SEMA6D: variants seen among roughly 807,000 people sequenced by gnomAD.
SEMA6D encodes semaphorin-6D.
Under a neutral mutation model 106.6 loss-of-function variants are expected in SEMA6D, and 35 were observed. The ratio of observed to expected loss-of-function variants is 0.33; its 90% confidence interval spans 0.25 to 0.44. SEMA6D has a LOEUF of 0.44. Among genes scored for constraint, SEMA6D ranks in the 20% least tolerant of loss-of-function variants. The pLI, the probability that SEMA6D is intolerant of heterozygous loss-of-function variation, is 1.00. For missense variants in SEMA6D, 1,185 were observed against 1,345.9 expected (o/e 0.88, Z 1.87); for synonymous variants, 499 against 487.7 (o/e 1.02, Z -0.31).
At chr15:47,526,938 T>C (rs1199561686) in intron 3 of SEMA6D, among the ~76,000 whole-genome samples, 1 of 152,090 alleles carries the variant, frequency 6.6e-6, no homozygotes, top group Non-Finnish European at 1.5e-5. Flanking sequence ...GGGGTTTCAC[T>C]ATGTTGGTCA....
chr15:47,659,583 A>G (rs1273753030), intron 4 of SEMA6D, among the ~76,000 whole-genome samples: 2 of 152,018 alleles, frequency 1.3e-5, no homozygotes, highest in Non-Finnish European at 2.9e-5. Flanking sequence ...CAAGAAAATG[A>G]CGACTAATAA....
At chr15:47,598,434 A>G (rs1012474816) in intron 3 of SEMA6D, among the ~76,000 whole-genome samples, 2 of 152,132 alleles carry the variant, frequency 1.3e-5, no homozygotes, top group African/African-American at 4.8e-5. Flanking sequence ...GATTAATTGT[A>G]TTTACTTACA....
chr15:47,431,260 T>C (rs1481942129), intron 2 of SEMA6D, among the ~76,000 whole-genome samples: 1 of 152,140 alleles, frequency 6.6e-6, no homozygotes, highest in Non-Finnish European at 1.5e-5. Flanking sequence ...CAATTGAATA[T>C]CATTTTTATT....
At chr15:47,497,093 T>C (rs1263689345) in intron 3 of SEMA6D, among the ~76,000 whole-genome samples, 1 of 152,106 alleles carries the variant, frequency 6.6e-6, no homozygotes, top group Non-Finnish European at 1.5e-5. Context: ...TATAATTTTC[T>C]GTGTTCTGTC....
chr15:47,596,598 A>G (rs1005852081), intron 3 of SEMA6D, among the ~76,000 whole-genome samples: 15 of 152,254 alleles, frequency 9.9e-5, no homozygotes, highest in African/African-American at 3.6e-4. Flanking sequence ...CAACCAATAG[A>G]ACAGAATTGG....
At chr15:47,514,578 A>C (rs969979592) in intron 3 of SEMA6D, among the ~76,000 whole-genome samples, 7 of 152,308 alleles carry the variant, frequency 4.6e-5, no homozygotes, top group African/African-American at 1.7e-4. Context: ...TCTATGACAC[A>C]CAACTTCTGA....
chr15:47,243,108 G>T (rs1794410339), intron 1 of SEMA6D, among the ~76,000 whole-genome samples: 1 of 152,086 alleles, frequency 6.6e-6, no homozygotes, highest in South Asian at 2.1e-4. Context: ...CTGAGAAATT[G>T]GAATCTCCAA....
intron 4 of SEMA6D, among the ~76,000 whole-genome samples, chr15:47,624,083 G>A (rs1248690830): frequency 2.6e-5 from 4 of 152,094 alleles, no homozygotes; most frequent in South Asian, 2.1e-4. Context: ...CAGAACTGCC[G>A]TCCGTACCCA....
At position 47,746,982 on chromosome 15, in the gene SEMA6D, G is replaced by GTATA. The variant is rs1208849790; in HGVS notation, c.-54-12762_-54-12761insATAT. Among the ~76,000 whole-genome samples, 554 of 89,850 alleles carry GTATA rather than the reference G, an allele frequency of 6.2e-3. 2 individuals are homozygous for GTATA. Among genetic ancestry groups the GTATA allele is most frequent in the African/African-American group, 0.023 (513 of 21,994 alleles). The allele number at this position is 89,850 out of a possible 152,430, so 58.9% of individuals were successfully genotyped here. On this transcript the variant is annotated intron_variant, in intron 1 of 18. Transcript: ENST00000536845. The stretch of plus-strand genomic sequence containing the variant: ...CAACAGTCTCCTGCTGTGTGTGTGT[G>GTATA]TGTATATATATATATATATATTTCG...
At chr15:47,315,103 T>A (rs2036611135) in intron 1 of SEMA6D, among the ~76,000 whole-genome samples, 1 of 151,894 alleles carries the variant, frequency 6.6e-6, no homozygotes, top group Non-Finnish European at 1.5e-5. Flanking sequence ...CCTGACCTCG[T>A]GATCCGCCTG....
chr15:47,304,304 G>A (rs2036140271), intron 1 of SEMA6D, among the ~76,000 whole-genome samples: 1 of 151,728 alleles, frequency 6.6e-6, no homozygotes, highest in African/African-American at 2.4e-5. Context: ...AAATTAGCCT[G>A]GCATGGTGGC....
At chr15:47,309,605 T>C (rs183992560) in intron 1 of SEMA6D, among the ~76,000 whole-genome samples, 10 of 152,284 alleles carry the variant, frequency 6.6e-5, no homozygotes, top group Non-Finnish European at 1.2e-4. Flanking sequence ...TTACTATCCA[T>C]GGTTTTGTCT....
At chr15:47,284,808 G>A (rs2035286806) in intron 1 of SEMA6D, among the ~76,000 whole-genome samples, 1 of 152,120 alleles carries the variant, frequency 6.6e-6, no homozygotes, top group Non-Finnish European at 1.5e-5. Context: ...TTAGAACTTT[G>A]CTTCAGGTAC....
At chr15:47,484,746 C>T (rs1270947739) in intron 3 of SEMA6D, among the ~76,000 whole-genome samples, 1 of 151,458 alleles carries the variant, frequency 6.6e-6, no homozygotes, top group East Asian at 1.9e-4. Context: ...GCAAGGCCTA[C>T]ACTATGTATA....
In SEMA6D at chr15:47,773,415, G is replaced by A. The variant is rs1241739643; in HGVS notation, c.*1630G>A. ...TTGGCAGAAACCACTTACGGCTGATGATGCGCAACCCTGCTGACTGTTTCA... is the reference window on the plus strand; with the variant it reads ...TTGGCAGAAACCACTTACGGCTGATAATGCGCAACCCTGCTGACTGTTTCA... On this transcript the variant is annotated 3_prime_UTR_variant, in exon 19 of 19. Coordinates refer to ENST00000536845, the MANE Select transcript of SEMA6D (RefSeq NM_001358351.3). 2 of 152,608 alleles carry A rather than the reference G, an allele frequency of 1.3e-5. No homozygotes were observed. Among genetic ancestry groups the A allele is most frequent in the Non-Finnish European group, 2.9e-5 (2 of 68,054 alleles). 9.5% of individuals were successfully genotyped at this position (152,608 alleles called of 1,614,324 possible). A position where few individuals can be genotyped will look rare whatever the true frequency, so the allele number is the denominator to read the frequency against.
intron 1 of SEMA6D, among the ~76,000 whole-genome samples, chr15:47,395,290 T>A (rs1430719175): frequency 2.0e-5 from 3 of 152,092 alleles, no homozygotes; most frequent in African/African-American, 7.2e-5. Context: ...GGACTGAGAG[T>A]TTTAAAATGT....
At chr15:47,200,116 A>T (rs1894626188) in intron 1 of SEMA6D, among the ~76,000 whole-genome samples, 1 of 152,160 alleles carries the variant, frequency 6.6e-6, no homozygotes, top group Non-Finnish European at 1.5e-5. Context: ...CAAAAGCAAG[A>T]TTACTCAACA....
chr15:47,321,452 T>C (rs970532755), intron 1 of SEMA6D, among the ~76,000 whole-genome samples: 4 of 152,212 alleles, frequency 2.6e-5, no homozygotes, highest in African/African-American at 9.6e-5. Flanking sequence ...TTAACCACAA[T>C]CTCAGAGTCA....
At chr15:47,511,546 A>G (rs771454595) in intron 3 of SEMA6D, among the ~76,000 whole-genome samples, 2 of 152,208 alleles carry the variant, frequency 1.3e-5, no homozygotes, top group Non-Finnish European at 2.9e-5. Context: ...GGTTGCTCCT[A>G]TATCTTGACA....
Sources: allele counts gnomAD v4.1 joint callset (sites outside exome capture counted in the v4.1 genomes callset), GRCh38; gene constraint gnomAD v4.1.1; transcripts MANE v1.5; gene names NCBI Gene and HGNC (gene_info 2026-07-23, HGNC 2026-07-21).